The following WNT7B variants were observed in gnomAD, a reference collection of about 807,000 sequenced individuals.
The protein encoded by WNT7B is Wnt family member 7B, also known as protein Wnt-7b.
Under a neutral mutation model 38.2 loss-of-function variants are expected in WNT7B, and 19 were observed. The ratio of observed to expected loss-of-function variants is 0.50; its 90% CI spans 0.35 to 0.73. The LOEUF (loss-of-function observed/expected upper bound fraction) is 0.73. WNT7B is among the 30% of genes least tolerant of loss of function. WNT7B has a pLI of 0.01. For missense variants in WNT7B, 423 were observed against 507.9 expected (o/e 0.83, Z 1.61); for synonymous variants, 243 against 209.3 (o/e 1.16, Z -1.39).
chr22:45,972,323 C>G (rs1265630871), intron 1 of WNT7B: 2 of 461,160 alleles, frequency 4.3e-6, no homozygotes. Context: ...CGCGGAGCTC[C>G]CCGATGCAGG....
At chr22:45,967,817 G>A (rs964181999) in intron 1 of WNT7B, among the ~76,000 whole-genome samples, 4 of 152,118 alleles carry the variant, frequency 2.6e-5, no homozygotes, top group African/African-American at 7.2e-5. Context: ...TGCCGTCGGC[G>A]CCTCAAAAAT....
chr22:45,970,000 G>A (rs745408616), intron 1 of WNT7B, among the ~76,000 whole-genome samples: 1 of 152,192 alleles, frequency 6.6e-6, no homozygotes, highest in Non-Finnish European at 1.5e-5. Context: ...CAGAGACATC[G>A]AAACCAAGGT....
intron 1 of WNT7B, among the ~76,000 whole-genome samples, chr22:45,973,617 G>C (rs1932497514): frequency 6.6e-6 from 1 of 152,234 alleles, no homozygotes; most frequent in Non-Finnish European, 1.5e-5. Context: ...CTCCAGACGG[G>C]CTCCTCTGAG....
intron 1 of WNT7B, among the ~76,000 whole-genome samples, chr22:45,954,428 C>T (rs1430088816): frequency 6.6e-6 from 1 of 152,176 alleles, no homozygotes; most frequent in Non-Finnish European, 1.5e-5. Context: ...CGTATTTTAA[C>T]CACGATTTTA....
chr22:45,952,096 C>G (rs1218900835), intron 1 of WNT7B, among the ~76,000 whole-genome samples: 1 of 152,140 alleles, frequency 6.6e-6, no homozygotes, highest in East Asian at 1.9e-4. Flanking sequence ...ACAGATCAGG[C>G]CTGTTTAGTG....
At chr22:45,939,632 AAC>A (rs56152359) in intron 2 of WNT7B, among the ~76,000 whole-genome samples, 16 of 144,884 alleles carry the variant, frequency 1.1e-4, no homozygotes, top group Admixed American at 7.4e-4. Context: ...TGTCTCTACA[AAC>A]ACACACACAC....
rs138256237 is a variant in WNT7B, at chr22:45,961,857, C to T, written c.72-11711G>A. The stretch of plus-strand genomic sequence containing the variant: ...TGAGTTCTGCTCAGCCACTGGCTCT[C>T]GCTGGCCTCCCTGAGCCTCAGTTTG... On this transcript the variant is annotated intron_variant, in intron 1 of 3. Coordinates refer to ENST00000339464, the MANE Select transcript of WNT7B (RefSeq NM_058238.3). Among the ~76,000 whole-genome samples the T allele has an allele frequency of 3.3e-3, 503 of 152,246 alleles. 1 individual carries two copies. The highest frequency in any genetic ancestry group is 0.011 in the African/African-American group (473 of 41,528).
intron 3 of WNT7B, among the ~76,000 whole-genome samples, chr22:45,929,665 C>CA (rs1569111212): frequency 1.4e-4 from 17 of 118,984 alleles, no homozygotes; most frequent in Admixed American, 5.9e-4. Context: ...TCCACCCACC[C>CA]GCCCATCCTT....
At position 45,949,939 on chromosome 22, in the gene WNT7B, G is replaced by C; in HGVS notation, c.279C>G (p.Phe93Leu). The change falls in exon 2 of 4, where the codon TTC becomes TTG. Residue 93 changes from phenylalanine to leucine, a missense_variant. Physicochemically the swap from Phe to Leu is conservative, Grantham distance 22 (BLOSUM62 0). Coordinates refer to ENST00000339464, the MANE Select transcript of WNT7B (RefSeq NM_058238.3). ...CCTTACCTACTCGGAGCTCTTGCCCGAAGACGGTCTTCTCGCCGAGGGCAG... is the reference window on the plus strand; with the variant it reads ...CCTTACCTACTCGGAGCTCTTGCCCCAAGACGGTCTTCTCGCCGAGGGCAG... The part of the protein sequence containing the change: ...NCSALGEKTV[F>L]GQELRVGSRE... 6.2e-7 allele frequency: 1 copy of C among 1,609,472 alleles called. No individual in the cohort carries two copies. Among genetic ancestry groups the C allele is most frequent in the South Asian group, 1.1e-5 (1 of 91,046 alleles).
chr22:45,963,527 T>C (rs933350544), intron 1 of WNT7B, among the ~76,000 whole-genome samples: 2 of 152,076 alleles, frequency 1.3e-5, no homozygotes, highest in Non-Finnish European at 2.9e-5. Flanking sequence ...TTGGAGTTCA[T>C]CATTCCCATT....
At chr22:45,967,024 C>T (rs1029759572) in intron 1 of WNT7B, among the ~76,000 whole-genome samples, 3 of 152,202 alleles carry the variant, frequency 2.0e-5, no homozygotes, top group African/African-American at 4.8e-5. Flanking sequence ...AGGACAAGAA[C>T]GCCCTGGGTG....
intron 2 of WNT7B, among the ~76,000 whole-genome samples, chr22:45,933,938 T>C (rs9723020): frequency 0.37 from 55,615 of 152,084 alleles, 10,337 homozygotes; most frequent in African/African-American, 0.41. Context: ...GAGGGCTGGA[T>C]GTCAGGGCAC....
intron 2 of WNT7B, among the ~76,000 whole-genome samples, chr22:45,939,676 T>C (rs542096315): frequency 2.1e-3 from 224 of 108,966 alleles, no homozygotes; most frequent in African/African-American, 8.8e-3. Flanking sequence ...CACACAAAAA[T>C]AGCCAGGTGT....
intron 2 of WNT7B, among the ~76,000 whole-genome samples, chr22:45,939,647 ACT>A (rs1491481988): frequency 0.056 from 8,073 of 143,994 alleles, 421 homozygotes; most frequent in African/African-American, 0.14. Context: ...ACACACACAC[ACT>A]CACACACACA....
intron 1 of WNT7B, among the ~76,000 whole-genome samples, chr22:45,958,790 G>A (rs1370669283): frequency 2.0e-5 from 3 of 152,218 alleles, no homozygotes; most frequent in Non-Finnish European, 4.4e-5. Context: ...AGCGGGGGCA[G>A]GATGGGCAGA....
At position 45,966,657 on chromosome 22, in the gene WNT7B, G is replaced by C. The variant is rs1022818574; in HGVS notation, c.71+10027C>G. On this transcript the variant is annotated intron_variant, in intron 1 of 3. Transcript: ENST00000339464. This position sits in a 1 kb window ranked among gnomAD's most constrained non-coding sequence, Gnocchi z 4.2. The stretch of plus-strand genomic sequence containing the variant: ...CACTCTAAAGCTGCAAAGGCTGCTT[G>C]GGGGAGCAGGACGTTAGTGTCTTCT... Among the ~76,000 whole-genome samples the C allele has an allele frequency of 2.6e-5, 4 of 152,174 alleles. No homozygotes were observed. Among genetic ancestry groups the C allele is most frequent in the Non-Finnish European group, 2.9e-5 (2 of 68,028 alleles).
At chr22:45,970,359 C>T (rs1424634095) in intron 1 of WNT7B, among the ~76,000 whole-genome samples, 2 of 152,314 alleles carry the variant, frequency 1.3e-5, no homozygotes, top group South Asian at 4.1e-4. Context: ...GCAAGCCTGG[C>T]GGGGGTAGTC....
chr22:45,953,873 C>T (rs1931997776), intron 1 of WNT7B, among the ~76,000 whole-genome samples: 1 of 152,194 alleles, frequency 6.6e-6, no homozygotes, highest in Admixed American at 6.5e-5. Context: ...TCAATAAGTT[C>T]AACCTGGAGT....
At chr22:45,955,647 C>A (rs993900404) in intron 1 of WNT7B, among the ~76,000 whole-genome samples, 2 of 152,154 alleles carry the variant, frequency 1.3e-5, no homozygotes, top group African/African-American at 4.8e-5. Flanking sequence ...GAAAATTCTG[C>A]CCCCGGCTCA....
Sources: allele counts gnomAD v4.1 joint callset (sites outside exome capture counted in the v4.1 genomes callset), GRCh38; gene constraint gnomAD v4.1.1; non-coding constraint Gnocchi (gnomAD v3.1); transcripts MANE v1.5; gene names NCBI Gene and HGNC (gene_info 2026-07-23, HGNC 2026-07-21).